GALNT7: variants seen among roughly 807,000 people sequenced by gnomAD.
GALNT7 encodes polypeptide N-acetylgalactosaminyltransferase 7, also known as N-acetylgalactosaminyltransferase 7.
GALNT7 carries 60 observed loss-of-function variants against 82.1 expected under a neutral mutation model. That is an observed-to-expected ratio of 0.73 (90% confidence interval 0.59 to 0.91). GALNT7 has a LOEUF of 0.91. Ranked by LOEUF, GALNT7 falls within the 40% of genes least tolerant of loss-of-function variation. The pLI is 0.00. For synonymous variants in GALNT7, 243 were observed against 275.1 expected (o/e 0.88, Z 1.15); for missense variants, 660 against 804.2 (o/e 0.82, Z 2.17).
chr4:173,220,271 T>G (rs1733602127), intron 1 of GALNT7, among the ~76,000 whole-genome samples: 3 of 152,224 alleles, frequency 2.0e-5, no homozygotes, highest in South Asian at 4.1e-4. Flanking sequence ...TTTATGTTTT[T>G]GTTTGCTTTG....
chr4:173,227,376 G>A (rs1023474813), intron 1 of GALNT7, among the ~76,000 whole-genome samples: 2 of 152,130 alleles, frequency 1.3e-5, no homozygotes, highest in Non-Finnish European at 2.9e-5. Context: ...CTGTCGCCCA[G>A]GCTGGAGTGC....
At chr4:173,312,091 T>C (rs978938773) in intron 8 of GALNT7, among the ~76,000 whole-genome samples, 5 of 152,220 alleles carry the variant, frequency 3.3e-5, no homozygotes, top group African/African-American at 1.2e-4. Context: ...AGTCAAATAG[T>C]TGCCACAGAG....
intron 11 of GALNT7, 141 bp from the exon 12 acceptor site, chr4:173,321,439 G>T: frequency 1.6e-6 from 1 of 624,968 alleles, no homozygotes; most frequent in East Asian, 2.7e-5. Context: ...TGACAATCAA[G>T]AGAAATCCAA....
At chr4:173,172,329 C>A (rs543577804) in intron 1 of GALNT7, among the ~76,000 whole-genome samples, 39 of 152,190 alleles carry the variant, frequency 2.6e-4, no homozygotes, top group Non-Finnish European at 4.7e-4. Flanking sequence ...CTCATGCTCA[C>A]TTGAGGCATT....
intron 1 of GALNT7, among the ~76,000 whole-genome samples, chr4:173,226,633 A>G (rs1733837397): frequency 6.6e-6 from 1 of 152,158 alleles, no homozygotes; most frequent in Non-Finnish European, 1.5e-5. Context: ...TTGCTGGCTG[A>G]CTGTCCCAAC....
At chr4:173,311,920 A>G (rs1737399752) in intron 8 of GALNT7, among the ~76,000 whole-genome samples, 1 of 152,210 alleles carries the variant, frequency 6.6e-6, no homozygotes, top group African/African-American at 2.4e-5. Context: ...AAAACATTTA[A>G]TCTGAACACT....
At chr4:173,298,069 A>G (rs1235504986) in intron 5 of GALNT7, 46 bp from the exon 6 acceptor site, 5 of 1,600,166 alleles carry the variant, frequency 3.1e-6, no homozygotes, top group Non-Finnish European at 3.4e-6. Flanking sequence ...GTGTGGGTCC[A>G]TACATACGCT....
intron 1 of GALNT7, among the ~76,000 whole-genome samples, chr4:173,199,956 C>G (rs1479229469): frequency 1.3e-5 from 2 of 152,116 alleles, no homozygotes; most frequent in African/African-American, 4.8e-5. Flanking sequence ...TAAAGTCTTC[C>G]TGGAATAGTT....
chr4:173,173,012 A>T (rs1731925347), intron 1 of GALNT7, among the ~76,000 whole-genome samples: 1 of 152,158 alleles, frequency 6.6e-6, no homozygotes, highest in Non-Finnish European at 1.5e-5. Flanking sequence ...GGGGGTCATC[A>T]TTATTCAGGT....
intron 1 of GALNT7, among the ~76,000 whole-genome samples, chr4:173,175,739 A>G (rs1732017326): frequency 6.6e-6 from 1 of 152,134 alleles, no homozygotes. Context: ...GCAGGGTGTA[A>G]CCCCTTGTAA....
chr4:173,279,994 G>A (rs1400766317), intron 2 of GALNT7, among the ~76,000 whole-genome samples: 3 of 151,688 alleles, frequency 2.0e-5, no homozygotes, highest in Non-Finnish European at 2.9e-5. Flanking sequence ...AAAAAAAAAA[G>A]GATAGTTAAA....
At chr4:173,241,782 T>TTA (rs971887424) in intron 1 of GALNT7, among the ~76,000 whole-genome samples, 2 of 152,164 alleles carry the variant, frequency 1.3e-5, no homozygotes, top group Non-Finnish European at 2.9e-5. Context: ...ATATACTGTA[T>TTA]TATATATTTT....
chr4:173,295,598 T>C, intron 4 of GALNT7, 72 bp downstream of exon 4: 1 of 1,445,304 alleles, frequency 6.9e-7, no homozygotes, highest in South Asian at 1.2e-5. Context: ...TTTTTAATCA[T>C]TCTTCAGTTT....
At chr4:173,271,005 C>T (rs1263197370) in intron 2 of GALNT7, among the ~76,000 whole-genome samples, 2 of 152,202 alleles carry the variant, frequency 1.3e-5, no homozygotes, top group Non-Finnish European at 2.9e-5. Flanking sequence ...CAAAGTTCCC[C>T]TCAGTATAAT....
At chr4:173,196,723 C>T (rs534762626) in intron 1 of GALNT7, among the ~76,000 whole-genome samples, 15 of 152,210 alleles carry the variant, frequency 9.9e-5, no homozygotes, top group South Asian at 2.1e-4. Flanking sequence ...CCCCAGTGTG[C>T]GTTGTTACCC....
At chr4:173,195,985 T>C (rs941775636) in intron 1 of GALNT7, among the ~76,000 whole-genome samples, 1 of 152,194 alleles carries the variant, frequency 6.6e-6, no homozygotes, top group Non-Finnish European at 1.5e-5. Flanking sequence ...GCTGCTTACT[T>C]TACTTGCTTT....
At chr4:173,287,294 C>T (rs1579991739) in intron 2 of GALNT7, among the ~76,000 whole-genome samples, 1 of 152,204 alleles carries the variant, frequency 6.6e-6, no homozygotes, top group African/African-American at 2.4e-5. Context: ...ATTTATGGTC[C>T]TCCAAGGGCA....
At chr4:173,279,560 A>G (rs1481255278) in intron 2 of GALNT7, among the ~76,000 whole-genome samples, 1 of 152,234 alleles carries the variant, frequency 6.6e-6, no homozygotes, top group East Asian at 1.9e-4. Flanking sequence ...CATTAGTAAC[A>G]TATTCAAGTG....
intron 1 of GALNT7, among the ~76,000 whole-genome samples, chr4:173,194,776 C>T (rs113731470): frequency 0.03 from 4,558 of 152,208 alleles, 148 homozygotes; most frequent in Admixed American, 0.081. Flanking sequence ...TCTCCTAATG[C>T]TTTCCCTCCC....
Sources: gnomAD v4.1 joint callset for allele counts (sites outside exome capture counted in the v4.1 genomes callset) on GRCh38, gnomAD v4.1.1 for gene constraint, MANE v1.5 for transcripts, NCBI Gene and HGNC (gene_info 2026-07-23, HGNC 2026-07-21) for gene names.